Variants in CPEB1 observed in about 807,000 individuals in gnomAD.
The protein encoded by CPEB1 is cytoplasmic polyadenylation element-binding protein 1.
In CPEB1, 7 loss-of-function variants were observed where a neutral mutation model predicts 65.8. That is an observed-to-expected ratio of 0.11 (90% confidence interval 0.06 to 0.20). CPEB1 has a LOEUF of 0.20. CPEB1 is among the 10% of genes least tolerant of loss of function. The pLI is 1.00. For synonymous variants in CPEB1, 262 were observed against 260.0 expected, an observed-to-expected ratio of 1.01 and a Z score of -0.08; for missense variants, 551 against 712.2, an observed-to-expected ratio of 0.77 and a Z score of 2.58.
chr15:82,629,314 GGT>G, intron 1 of CPEB1: 1 of 984,850 alleles, frequency 1.0e-6, no homozygotes, highest in Non-Finnish European at 1.2e-6. Flanking sequence ...ATACAAGAGA[GGT>G]AAGTACCAAC....
intron 4 of CPEB1, among the ~76,000 whole-genome samples, 154 bp downstream of exon 4, chr15:82,571,190 T>C (rs1216591281): frequency 1.3e-5 from 2 of 152,210 alleles, no homozygotes; most frequent in East Asian, 1.9e-4. Context: ...CACTCACAGC[T>C]TGCATTTCCA....
chr15:82,550,310 G>A (rs1171917519), intron 9 of CPEB1, among the ~76,000 whole-genome samples: 1 of 152,216 alleles, frequency 6.6e-6, no homozygotes, highest in Non-Finnish European at 1.5e-5. Flanking sequence ...AGTCCAGAAT[G>A]AAGTGAAGAT....
intron 12 of CPEB1, among the ~76,000 whole-genome samples, chr15:82,545,955 C>T (rs1016975032): frequency 2.0e-5 from 3 of 152,050 alleles, no homozygotes; most frequent in Admixed American, 6.6e-5. Context: ...AGTATAAAGA[C>T]TCAATTCAAC....
rs2036657728 is a variant in CPEB1, at chr15:82,553,620, C to A, written c.1055-64G>T. On this transcript the variant is annotated intron_variant, in intron 7 of 12. Transcript: ENST00000684509. ...CCATCTTTCCCAGTAAAGACACAAA[C>A]ACAGAATCACCAGCATTCTCCTCCC... The A allele has an allele frequency of 1.4e-5, 17 of 1,207,604 alleles. No individual in the cohort carries two copies. In the Middle Eastern group the frequency reaches 5.7e-4, roughly 40 times the overall value. The allele number at this position is 1,207,604 out of a possible 1,614,324, so 74.8% of individuals were successfully genotyped here. A position where few individuals can be genotyped will look rare whatever the true frequency, so the allele number is the denominator to read the frequency against.
chr15:82,614,879 G>GTGTGTGTATATA (rs368957489), intron 3 of CPEB1, among the ~76,000 whole-genome samples: 3 of 113,196 alleles, frequency 2.7e-5, no homozygotes, highest in African/African-American at 8.7e-5. Context: ...GTGTGTGTGT[G>GTGTGTGTATATA]TATATATATA....
intron 3 of CPEB1, chr15:82,583,403 G>T (rs1466086859): frequency 1.3e-5 from 2 of 152,166 alleles, no homozygotes; most frequent in Non-Finnish European, 2.9e-5. Flanking sequence ...GGGGTCTGCA[G>T]AAGTTCCTTA....
chr15:82,647,825 C>T, upstream of CPEB1: 1 of 1,283,254 alleles, frequency 7.8e-7, no homozygotes, highest in East Asian at 3.2e-5. Flanking sequence ...GGGACGCGGC[C>T]CCGCCCAGGC....
At chr15:82,571,991 C>T (rs983523725) in intron 3 of CPEB1, 9 of 351,100 alleles carry the variant, frequency 2.6e-5, no homozygotes, top group Non-Finnish European at 3.2e-5. Context: ...CCTCCGGTCT[C>T]CAGCAATGGT....
intron 3 of CPEB1, among the ~76,000 whole-genome samples, chr15:82,585,930 T>G (rs1202286547): frequency 6.6e-6 from 1 of 151,688 alleles, no homozygotes; most frequent in East Asian, 1.9e-4. Context: ...GAATCTTGAG[T>G]GTCAGGCACT....
At chr15:82,627,726 A>G (rs560346764) in intron 2 of CPEB1, among the ~76,000 whole-genome samples, 16 of 152,336 alleles carry the variant, frequency 1.1e-4, no homozygotes, top group African/African-American at 3.6e-4. Flanking sequence ...GCCTTAAGGG[A>G]AAAGGTAAAC....
chr15:82,646,774 G>A (rs901020699), intron 1 of CPEB1, among the ~76,000 whole-genome samples: 3 of 152,150 alleles, frequency 2.0e-5, no homozygotes, highest in African/African-American at 4.8e-5. Context: ...CCCATGACAT[G>A]AAAAAGCCTC....
At chr15:82,629,992 G>C (rs759016137) in intron 1 of CPEB1, 6 of 985,418 alleles carry the variant, frequency 6.1e-6, no homozygotes, top group Non-Finnish European at 7.2e-6. Context: ...CTCTAGAGTG[G>C]TGCCATTGAG....
chr15:82,595,729 T>C (rs776623989), intron 3 of CPEB1, among the ~76,000 whole-genome samples: 8 of 152,226 alleles, frequency 5.3e-5, no homozygotes, highest in African/African-American at 1.9e-4. Flanking sequence ...GTTTACCAAA[T>C]AGTTCATGAA....
intron 3 of CPEB1, among the ~76,000 whole-genome samples, chr15:82,599,175 C>A (rs984940972): frequency 3.3e-5 from 5 of 152,070 alleles, no homozygotes; most frequent in African/African-American, 1.2e-4. Flanking sequence ...AAGCAGTTCT[C>A]TTAAAATATT....
At chr15:82,567,598 T>C (rs1290713147) in intron 4 of CPEB1, among the ~76,000 whole-genome samples, 1 of 151,650 alleles carries the variant, frequency 6.6e-6, no homozygotes, top group Non-Finnish European at 1.5e-5. Context: ...ATCGCACCAC[T>C]GTACTCCAGC....
At chr15:82,550,970 G>C (rs746579408) in intron 9 of CPEB1, among the ~76,000 whole-genome samples, 4 of 152,168 alleles carry the variant, frequency 2.6e-5, no homozygotes, top group Non-Finnish European at 5.9e-5. Context: ...CACTGAGGAG[G>C]AAGGGGAAGG....
intron 1 of CPEB1, among the ~76,000 whole-genome samples, chr15:82,633,760 T>G (rs1442492909): frequency 2.6e-5 from 4 of 152,192 alleles, no homozygotes; most frequent in African/African-American, 4.8e-5. Flanking sequence ...TGTTTTCCTA[T>G]AGCCATGATC....
chr15:82,607,670 G>C (rs1001338561), intron 3 of CPEB1, among the ~76,000 whole-genome samples: 4 of 152,098 alleles, frequency 2.6e-5, no homozygotes, highest in Admixed American at 2.6e-4. Flanking sequence ...AACCAAATGA[G>C]AGGTAGAATA....
intron 9 of CPEB1, among the ~76,000 whole-genome samples, chr15:82,550,025 C>G (rs1365046896): frequency 6.6e-6 from 1 of 152,136 alleles, no homozygotes; most frequent in East Asian, 1.9e-4. Context: ...AGGGCATAAT[C>G]TGAAGTCCTC....
Sources: allele counts gnomAD v4.1 joint callset (sites outside exome capture counted in the v4.1 genomes callset), GRCh38; gene constraint gnomAD v4.1.1; transcripts MANE v1.5; gene names NCBI Gene and HGNC (gene_info 2026-07-23, HGNC 2026-07-21).